Variants in SCN1A observed in about 807,000 individuals in gnomAD.
SCN1A encodes the protein sodium channel protein type 1 subunit alpha.
A neutral mutation model predicts 193.7 loss-of-function variants in SCN1A; 13 were observed. That is an observed-to-expected ratio of 0.07 (90% CI 0.04 to 0.11). SCN1A has a LOEUF of 0.11. Among genes scored for constraint, SCN1A ranks in the 10% least tolerant of loss-of-function variants. The pLI is 1.00. For synonymous variants in SCN1A, 781 were observed against 843.6 expected (o/e 0.93, Z 1.29); for missense variants, 1,432 against 2,451.1 (o/e 0.58, Z 8.78).
In SCN1A at chr2:166,035,944, A is replaced by T. The variant is rs1024821157; in HGVS notation, c.3429+104T>A. 1.7e-5 allele frequency: 22 copies of T among 1,277,166 alleles called. No individual in the cohort carries two copies. In the Admixed American group the frequency reaches 3.5e-4, roughly 20 times the overall value. The allele number at this position is 1,277,166 out of a possible 1,614,324, so 79.1% of individuals were successfully genotyped here. A position where few individuals can be genotyped will look rare whatever the true frequency, so the allele number is the denominator to read the frequency against. Reference sequence around the variant, plus strand: ...TGTATTATCATAAAGTAAAAAAAAAAAAAAATCTTAAGTCAAAACATCATT... The same window carrying T: ...TGTATTATCATAAAGTAAAAAAAAATAAAAATCTTAAGTCAAAACATCATT... On this transcript the variant is annotated intron_variant, in intron 19 of 28. Transcript: ENST00000674923.
intron 1 of SCN1A, among the ~76,000 whole-genome samples, chr2:166,134,136 T>C (rs1020224419): frequency 2.0e-5 from 3 of 152,140 alleles, no homozygotes; most frequent in African/African-American, 7.2e-5. Context: ...GCTTTATCGA[T>C]AGGGTTTTGC....
At chr2:166,083,708 C>T (rs1368902973) in intron 2 of SCN1A, among the ~76,000 whole-genome samples, 1 of 151,930 alleles carries the variant, frequency 6.6e-6, no homozygotes, top group Non-Finnish European at 1.5e-5. Flanking sequence ...AAGAGTAAGA[C>T]CATGGATAGT....
intron 17 of SCN1A, among the ~76,000 whole-genome samples, 184 bp from the exon 18 acceptor site, chr2:166,038,316 T>C (rs1470161864): frequency 6.6e-6 from 1 of 152,148 alleles, no homozygotes; most frequent in Non-Finnish European, 1.5e-5. Flanking sequence ...ATTTTAACCA[T>C]GTAGATCATT....
chr2:166,004,536 C>A (rs1423487344), intron 23 of SCN1A, among the ~76,000 whole-genome samples: 1 of 151,370 alleles, frequency 6.6e-6, no homozygotes, highest in East Asian at 1.9e-4. Flanking sequence ...GTCTCCTAAC[C>A]TTCTCCTTCA....
chr2:166,073,370 A>G lies in SCN1A; in HGVS notation c.252T>C (p.Tyr84=). 6.2e-7 allele frequency: 1 copy of G among 1,613,930 alleles called. No individual in the cohort carries two copies. Among genetic ancestry groups the G allele is most frequent in the East Asian group, 2.2e-5 (1 of 44,874 alleles). ...SEPLEDLDPY[Y]INKKTFIVLN... ...AAAAAACACTCACTTTCTTATTGATATAGTAGGGGTCCAGGTCCTCCAGGG... is the reference window on the plus strand; with the variant it reads ...AAAAAACACTCACTTTCTTATTGATGTAGTAGGGGTCCAGGTCCTCCAGGG... Residue 84 remains tyrosine, a synonymous_variant, in exon 4 of 29, where the codon TAT becomes TAC. Coordinates refer to ENST00000674923, the MANE Select transcript of SCN1A (RefSeq NM_001165963.4).
At chr2:166,097,424 T>C (rs998445616) in intron 2 of SCN1A, among the ~76,000 whole-genome samples, 6 of 152,192 alleles carry the variant, frequency 3.9e-5, no homozygotes, top group Non-Finnish European at 8.8e-5. Flanking sequence ...CCTTTAGTCT[T>C]TATTAATTTG....
chr2:166,061,784 G>A (rs1479179886), intron 4 of SCN1A, among the ~76,000 whole-genome samples: 1 of 152,112 alleles, frequency 6.6e-6, no homozygotes. Context: ...CTCAATGTTG[G>A]TATGTGATTC....
At chr2:166,144,598 C>A (rs1692228556) in intron 1 of SCN1A, among the ~76,000 whole-genome samples, 1 of 152,084 alleles carries the variant, frequency 6.6e-6, no homozygotes, top group African/African-American at 2.4e-5. Context: ...AGGAATAAAA[C>A]AAAGCACTGG....
In SCN1A at chr2:166,029,905, A is replaced by G. The variant is rs1311323237; in HGVS notation, c.3429+6143T>C. On this transcript the variant is annotated intron_variant, in intron 19 of 28. Transcript: ENST00000674923. The stretch of plus-strand genomic sequence containing the variant: ...GCTCTCTAAGTAGAATTAGACCACC[A>G]CAGGTCAGTGTGGGATGCAGAAGCA... 3.3e-5 allele frequency among the ~76,000 whole-genome samples: 5 copies of G among 152,224 alleles called. No homozygotes were observed. The East Asian group carries it at 7.7e-4, about 24-fold the overall frequency.
intron 19 of SCN1A, among the ~76,000 whole-genome samples, chr2:166,034,371 A>C (rs557872607): frequency 6.6e-6 from 1 of 152,322 alleles, no homozygotes. Flanking sequence ...ATAGTCACTA[A>C]ATCAAAAGAA....
chr2:165,996,459 T>C (rs1233218422), intron 26 of SCN1A: 1 of 193,376 alleles, frequency 5.2e-6, no homozygotes, highest in Admixed American at 5.6e-5. Context: ...CTATACATAC[T>C]ACCTTTATGA....
At chr2:166,133,466 A>C (rs957491915) in intron 1 of SCN1A, among the ~76,000 whole-genome samples, 23 of 152,318 alleles carry the variant, frequency 1.5e-4, no homozygotes, top group African/African-American at 5.3e-4. Flanking sequence ...AATGTCAATC[A>C]TCTGATGAGA....
At chr2:166,025,066 G>A (rs1694572749) in intron 19 of SCN1A, among the ~76,000 whole-genome samples, 1 of 152,154 alleles carries the variant, frequency 6.6e-6, no homozygotes, top group Non-Finnish European at 1.5e-5. Context: ...AAATGTATTT[G>A]TTTTCTGTGT....
rs553600910 is a variant in SCN1A at position 166,007,572 on chromosome 2, A to C, written c.4002+2147T>G. On this transcript the variant is annotated intron_variant, in intron 23 of 28. Coordinates refer to ENST00000674923, the MANE Select transcript of SCN1A (RefSeq NM_001165963.4). Reference sequence around the variant, plus strand: ...TGGACTGGAAATTTGAAATACAATAAATGTTTAAAAGCTGTCAGCCAGAAA... The same window carrying C: ...TGGACTGGAAATTTGAAATACAATACATGTTTAAAAGCTGTCAGCCAGAAA... 3.3e-5 allele frequency among the ~76,000 whole-genome samples: 5 copies of C among 151,468 alleles called. No homozygotes were observed. The South Asian group carries it at 8.3e-4, about 25-fold the overall frequency.
intron 1 of SCN1A, among the ~76,000 whole-genome samples, chr2:166,146,421 A>G (rs1692325342): frequency 6.6e-6 from 1 of 152,226 alleles, no homozygotes; most frequent in Non-Finnish European, 1.5e-5. Flanking sequence ...GGAACTTTTC[A>G]TAGCGGAGCT....
At chr2:166,029,520 T>C (rs1473360897) in intron 19 of SCN1A, among the ~76,000 whole-genome samples, 1 of 152,090 alleles carries the variant, frequency 6.6e-6, no homozygotes, top group African/African-American at 2.4e-5. Context: ...TGTGCTTAGG[T>C]TGGAGATTGT....
chr2:166,001,390 T>C (rs2105498238), intron 24 of SCN1A, among the ~76,000 whole-genome samples: 1 of 151,742 alleles, frequency 6.6e-6, no homozygotes, highest in Non-Finnish European at 1.5e-5. Flanking sequence ...AACAAAAAGG[T>C]GGGAAGAATT....
intron 2 of SCN1A, among the ~76,000 whole-genome samples, chr2:166,125,570 C>T (rs1317522402): frequency 6.6e-6 from 1 of 152,162 alleles, no homozygotes; most frequent in African/African-American, 2.4e-5. Context: ...TGTTTACCCT[C>T]TCTGATTGTC....
intron 2 of SCN1A, among the ~76,000 whole-genome samples, chr2:166,098,833 A>C (rs1687699257): frequency 6.6e-6 from 1 of 152,216 alleles, no homozygotes; most frequent in Non-Finnish European, 1.5e-5. Flanking sequence ...AACAAGAATT[A>C]TGAAACACTG....
Sources: allele counts gnomAD v4.1 joint callset (sites outside exome capture counted in the v4.1 genomes callset), GRCh38; gene constraint gnomAD v4.1.1; transcripts MANE v1.5; gene names NCBI Gene and HGNC (gene_info 2026-07-23, HGNC 2026-07-21).